UCK2: variants seen among roughly 807,000 people sequenced by gnomAD.
UCK2 encodes cytidine monophosphokinase 2.
In UCK2, 6 loss-of-function variants were observed where a neutral mutation model predicts 30.8. The observed-to-expected ratio is 0.19, with a 90% CI of 0.11 to 0.38. UCK2 has a LOEUF of 0.38. Among genes scored for constraint, UCK2 ranks in the 10% least tolerant of loss-of-function variants. The pLI, the probability that UCK2 is intolerant of heterozygous loss-of-function variation, is 1.00. For synonymous variants in UCK2, 125 were observed against 133.6 expected (o/e 0.94, Z 0.45); for missense variants, 210 against 339.8 (o/e 0.62, Z 3.00).
chr1:165,863,049 C>T (rs1016820120), intron 1 of UCK2, among the ~76,000 whole-genome samples: 2 of 152,128 alleles, frequency 1.3e-5, no homozygotes, highest in Non-Finnish European at 2.9e-5. Context: ...CTATTATGTG[C>T]GAGCCAATGG....
intron 1 of UCK2, among the ~76,000 whole-genome samples, chr1:165,831,596 G>C (rs1654048641): frequency 6.6e-6 from 1 of 152,084 alleles, no homozygotes; most frequent in African/African-American, 2.4e-5. Flanking sequence ...AGAAAAATCT[G>C]CTCCATTACA....
intron 3 of UCK2, chr1:165,895,428 A>G (rs1655874682): frequency 3.8e-5 from 37 of 974,214 alleles, no homozygotes; most frequent in Non-Finnish European, 4.4e-5. Context: ...CAAAAACAAG[A>G]AAAAGAAAGA....
intron 1 of UCK2, among the ~76,000 whole-genome samples, chr1:165,839,047 CA>C (rs560462436): frequency 4.6e-4 from 66 of 143,710 alleles, no homozygotes; most frequent in Non-Finnish European, 5.8e-4. Context: ...GACTTCGTCT[CA>C]AAAAAAAAAG....
At chr1:165,839,910 G>C (rs976825953) in intron 1 of UCK2, among the ~76,000 whole-genome samples, 2 of 152,204 alleles carry the variant, frequency 1.3e-5, no homozygotes, top group African/African-American at 4.8e-5. Flanking sequence ...GAACAGGCTG[G>C]TTGGCCAGCC....
At position 165,902,097 on chromosome 1, in the gene UCK2, G is replaced by C. The variant is rs530777370; in HGVS notation, c.500-1085G>C. On this transcript the variant is annotated intron_variant, in intron 4 of 6. Coordinates refer to ENST00000367879, the MANE Select transcript of UCK2 (RefSeq NM_012474.5). Reference sequence around the variant, plus strand: ...TAAAAATACAAAAAATTAGCCAGGCGTGGTGGCAGGTGCCTGTAGTCTCAG... The same window carrying C: ...TAAAAATACAAAAAATTAGCCAGGCCTGGTGGCAGGTGCCTGTAGTCTCAG... 4.6e-5 allele frequency among the ~76,000 whole-genome samples: 7 copies of C among 152,048 alleles called. No individual in the cohort carries two copies. The East Asian group carries it at 9.6e-4, about 21-fold the overall frequency.
chr1:165,884,905 G>A (rs1401157848), intron 1 of UCK2, among the ~76,000 whole-genome samples: 3 of 152,192 alleles, frequency 2.0e-5, no homozygotes, highest in Non-Finnish European at 4.4e-5. Context: ...TCATTGTTCA[G>A]CATGTCTAGT....
At chr1:165,829,134 A>T (rs998040373) in intron 1 of UCK2, among the ~76,000 whole-genome samples, 1 of 152,052 alleles carries the variant, frequency 6.6e-6, no homozygotes, top group Non-Finnish European at 1.5e-5. Context: ...CCAGCCAGAC[A>T]CGGCGGCTGG....
At chr1:165,896,769 C>T (rs1647271657) in intron 4 of UCK2, among the ~76,000 whole-genome samples, 1 of 152,208 alleles carries the variant, frequency 6.6e-6, no homozygotes, top group African/African-American at 2.4e-5. Context: ...TAGCCTGCTT[C>T]TCTAGCCCTT....
At chr1:165,840,476 C>T (rs1002194178) in intron 1 of UCK2, among the ~76,000 whole-genome samples, 5 of 152,198 alleles carry the variant, frequency 3.3e-5, no homozygotes, top group Non-Finnish European at 5.9e-5. Flanking sequence ...CAATCGATCC[C>T]TTGAACTTGT....
At chr1:165,832,225 T>G (rs146728823) in intron 1 of UCK2, among the ~76,000 whole-genome samples, 28 of 152,324 alleles carry the variant, frequency 1.8e-4, no homozygotes, top group African/African-American at 6.5e-4. Flanking sequence ...CCCATTTCCT[T>G]AATGAGAATT....
At chr1:165,857,898 C>T (rs1474194992) in intron 1 of UCK2, among the ~76,000 whole-genome samples, 1 of 152,158 alleles carries the variant, frequency 6.6e-6, no homozygotes, top group Non-Finnish European at 1.5e-5. Flanking sequence ...GTTAGATCCT[C>T]CCACCAGGCC....
chr1:165,897,774 T>C (rs1647321907), intron 4 of UCK2, among the ~76,000 whole-genome samples: 1 of 152,146 alleles, frequency 6.6e-6, no homozygotes, highest in Non-Finnish European at 1.5e-5. Context: ...TAAGTAGTAA[T>C]AGATACATAT....
intron 1 of UCK2, among the ~76,000 whole-genome samples, chr1:165,831,643 G>A (rs181532652): frequency 6.6e-6 from 1 of 152,164 alleles, no homozygotes; most frequent in Non-Finnish European, 1.5e-5. Context: ...AATAGCTCTG[G>A]ATGTGCCATT....
chr1:165,876,127 G>A (rs1021696943), intron 1 of UCK2, among the ~76,000 whole-genome samples: 2 of 152,224 alleles, frequency 1.3e-5, no homozygotes, highest in Non-Finnish European at 2.9e-5. Flanking sequence ...TTAGGACATT[G>A]TAGTAGGTGG....
intron 1 of UCK2, among the ~76,000 whole-genome samples, chr1:165,829,337 G>T (rs1227904170): frequency 6.6e-6 from 1 of 152,214 alleles, no homozygotes; most frequent in Non-Finnish European, 1.5e-5. Flanking sequence ...CAGAATGCTA[G>T]CCCTTCAGGA....
At chr1:165,857,740 C>A (rs1000348389) in intron 1 of UCK2, among the ~76,000 whole-genome samples, 1 of 152,192 alleles carries the variant, frequency 6.6e-6, no homozygotes, top group African/African-American at 2.4e-5. Flanking sequence ...TGAATGATGT[C>A]TCATTACCAC....
At chr1:165,841,432 C>T (rs866510327) in intron 1 of UCK2, among the ~76,000 whole-genome samples, 16 of 152,130 alleles carry the variant, frequency 1.1e-4, no homozygotes, top group Middle Eastern at 3.4e-3. Flanking sequence ...GATCCACCCC[C>T]AATCAGCCTC....
chr1:165,836,220 C>G (rs1324910645), intron 1 of UCK2, among the ~76,000 whole-genome samples: 1 of 150,288 alleles, frequency 6.7e-6, no homozygotes, highest in Non-Finnish European at 1.5e-5. Flanking sequence ...AAGAGCAAGA[C>G]TCCGTCTCAA....
intron 3 of UCK2, chr1:165,892,764 A>AT (rs1458055500): frequency 6.6e-6 from 1 of 152,376 alleles, no homozygotes; most frequent in Non-Finnish European, 1.5e-5. Flanking sequence ...AGAGCAGGGG[A>AT]TTCAGAGCAG....
Sources: allele counts gnomAD v4.1 joint callset (sites outside exome capture counted in the v4.1 genomes callset), GRCh38; gene constraint gnomAD v4.1.1; transcripts MANE v1.5; gene names NCBI Gene and HGNC (gene_info 2026-07-23, HGNC 2026-07-21).